The following PDZRN4 variants were observed in gnomAD, a reference collection of about 807,000 sequenced individuals.
The protein encoded by PDZRN4 is PDZ domain containing ring finger 4.
PDZRN4 carries 70 observed loss-of-function variants against 99.0 expected under a neutral mutation model. The ratio of observed to expected loss-of-function variants is 0.71; its 90% CI spans 0.58 to 0.86. The LOEUF (loss-of-function observed/expected upper bound fraction) is 0.86. PDZRN4 is among the 40% of genes least tolerant of loss of function. The pLI is 0.00. For synonymous variants in PDZRN4, 551 were observed against 501.6 expected, an observed-to-expected ratio of 1.10 and a Z score of -1.32; for missense variants, 1,474 against 1,331.2, an observed-to-expected ratio of 1.11 and a Z score of -1.67.
chr12:41,248,081 C>A (rs1361840924), intron 3 of PDZRN4, among the ~76,000 whole-genome samples: 1 of 152,162 alleles, frequency 6.6e-6, no homozygotes, highest in Non-Finnish European at 1.5e-5. Context: ...TTCACTTCAC[C>A]ACTTTGTTCT....
chr12:41,508,216 A>C (rs1012419860), intron 4 of PDZRN4, among the ~76,000 whole-genome samples: 7 of 152,116 alleles, frequency 4.6e-5, no homozygotes. Flanking sequence ...CCAGGCTTCT[A>C]GGCCTAAGAG....
chr12:41,392,695 G>A (rs1201095823), intron 3 of PDZRN4, among the ~76,000 whole-genome samples: 2 of 152,028 alleles, frequency 1.3e-5, no homozygotes, highest in Non-Finnish European at 2.9e-5. Context: ...TTTATATTTG[G>A]GGTATGTAGG....
intron 3 of PDZRN4, among the ~76,000 whole-genome samples, chr12:41,458,895 T>C (rs1235316689): frequency 2.0e-5 from 3 of 151,974 alleles, no homozygotes; most frequent in Non-Finnish European, 4.4e-5. Flanking sequence ...GAGAAAGAAG[T>C]CACAGAAGTT....
chr12:41,379,388 A>T lies in PDZRN4; in HGVS notation c.844-127068A>T, dbSNP rs185329328. ...TCATTTATTTAATAAATAATACTTT[A>T]TTTTTTTTTATTCTGCCAAATGTGG... On this transcript the variant is annotated intron_variant, in intron 3 of 9. Coordinates refer to ENST00000402685, the MANE Select transcript of PDZRN4 (RefSeq NM_001164595.2). Among the ~76,000 whole-genome samples, 263 of 144,648 alleles carry T rather than the reference A, an allele frequency of 1.8e-3. 3 individuals are homozygous for T. Among genetic ancestry groups the T allele is most frequent in the African/African-American group, 6.0e-3 (237 of 39,516 alleles). The allele number at this position is 144,648 out of a possible 152,430, so 94.9% of individuals were successfully genotyped here.
chr12:41,336,210 C>T (rs1951773198), intron 3 of PDZRN4, among the ~76,000 whole-genome samples: 2 of 152,112 alleles, frequency 1.3e-5, no homozygotes, highest in Non-Finnish European at 2.9e-5. Context: ...CTGATTCATC[C>T]TGGCATATGT....
At chr12:41,390,211 A>T (rs1455543344) in intron 3 of PDZRN4, among the ~76,000 whole-genome samples, 1 of 152,148 alleles carries the variant, frequency 6.6e-6, no homozygotes, top group Non-Finnish European at 1.5e-5. Context: ...GAGCAGGAGT[A>T]ATTAAGTATT....
chr12:41,564,009 T>G (rs1206146191), intron 8 of PDZRN4, among the ~76,000 whole-genome samples: 1 of 152,174 alleles, frequency 6.6e-6, no homozygotes. Context: ...GCCACTTACT[T>G]AAATAAATAC....
intron 3 of PDZRN4, among the ~76,000 whole-genome samples, chr12:41,269,904 A>G (rs1951302453): frequency 6.6e-6 from 1 of 152,190 alleles, no homozygotes; most frequent in Admixed American, 6.6e-5. Context: ...TCTGATACAC[A>G]CACACGATAT....
chr12:41,481,276 A>G (rs1937669400), intron 3 of PDZRN4, among the ~76,000 whole-genome samples: 1 of 151,990 alleles, frequency 6.6e-6, no homozygotes, highest in Non-Finnish European at 1.5e-5. Flanking sequence ...CTGACCACCC[A>G]TAATTAGACA....
intron 3 of PDZRN4, among the ~76,000 whole-genome samples, chr12:41,373,851 G>A (rs1417976126): frequency 1.3e-5 from 2 of 152,138 alleles, no homozygotes; most frequent in Non-Finnish European, 2.9e-5. Flanking sequence ...AGTAAAGACA[G>A]GCATAAGAAA....
chr12:41,368,297 G>A (rs912281678), intron 3 of PDZRN4, among the ~76,000 whole-genome samples: 1 of 152,032 alleles, frequency 6.6e-6, no homozygotes, highest in African/African-American at 2.4e-5. Context: ...TTTCTCTAGA[G>A]AAGATAGTCC....
intron 3 of PDZRN4, among the ~76,000 whole-genome samples, chr12:41,429,970 G>A (rs12424813): frequency 0.063 from 9,554 of 152,106 alleles, 389 homozygotes; most frequent in Non-Finnish European, 0.094. Context: ...GCTGAATGGT[G>A]TGACATTATC....
chr12:41,190,055 T>C (rs779381456), intron 1 of PDZRN4, among the ~76,000 whole-genome samples: 2 of 152,196 alleles, frequency 1.3e-5, no homozygotes, highest in Non-Finnish European at 2.9e-5. Context: ...TGTTGGTCGC[T>C]GCCATGGTGA....
At chr12:41,349,794 T>C (rs992347964) in intron 3 of PDZRN4, among the ~76,000 whole-genome samples, 4 of 152,022 alleles carry the variant, frequency 2.6e-5, no homozygotes, top group African/African-American at 4.8e-5. Flanking sequence ...CAGAGGTATA[T>C]GTATACGGTA....
At chr12:41,390,643 A>G (rs1952203882) in intron 3 of PDZRN4, among the ~76,000 whole-genome samples, 1 of 151,436 alleles carries the variant, frequency 6.6e-6, no homozygotes, top group Non-Finnish European at 1.5e-5. Context: ...TGTCCTTCTA[A>G]TTGGGCTAAA....
intron 3 of PDZRN4, among the ~76,000 whole-genome samples, chr12:41,460,461 CA>C (rs2120532302): frequency 6.6e-6 from 1 of 152,236 alleles, no homozygotes; most frequent in African/African-American, 2.4e-5. Context: ...ATATTGTTTC[CA>C]GATGAATTCA....
At chr12:41,527,947 C>T (rs142138242) in intron 5 of PDZRN4, among the ~76,000 whole-genome samples, 49 of 152,298 alleles carry the variant, frequency 3.2e-4, no homozygotes, top group African/African-American at 1.1e-3. Context: ...GACCAGTCTG[C>T]AAGTGCAGGA....
intron 3 of PDZRN4, among the ~76,000 whole-genome samples, chr12:41,286,207 A>G (rs766706224): frequency 6.6e-6 from 1 of 151,990 alleles, no homozygotes; most frequent in Non-Finnish European, 1.5e-5. Flanking sequence ...TGGTATATTA[A>G]AAGTGTACAT....
At chr12:41,281,999 C>G (rs1565540829) in intron 3 of PDZRN4, among the ~76,000 whole-genome samples, 1 of 152,132 alleles carries the variant, frequency 6.6e-6, no homozygotes, top group Non-Finnish European at 1.5e-5. Flanking sequence ...ATCATAATGA[C>G]AGAATCAAAT....
Sources: allele counts gnomAD v4.1 joint callset (sites outside exome capture counted in the v4.1 genomes callset), GRCh38; gene constraint gnomAD v4.1.1; transcripts MANE v1.5; gene names NCBI Gene and HGNC (gene_info 2026-07-23, HGNC 2026-07-21).